CCDC3: variants seen among roughly 807,000 people sequenced by gnomAD.
The protein encoded by CCDC3 is coiled-coil domain-containing protein 3.
A neutral mutation model predicts 21.4 loss-of-function variants in CCDC3; 24 were observed. The ratio of observed to expected loss-of-function variants is 1.12; its 90% CI spans 0.81 to 1.58. The LOEUF (loss-of-function observed/expected upper bound fraction) is 1.58. Ranked by LOEUF, CCDC3 falls within the 40% of genes most tolerant of loss-of-function variation. The pLI is 0.00. For synonymous variants in CCDC3, 186 were observed against 166.0 expected, an observed-to-expected ratio of 1.12 and a Z score of -0.93; for missense variants, 425 against 360.9, an observed-to-expected ratio of 1.18 and a Z score of -1.44.
intron 2 of CCDC3, among the ~76,000 whole-genome samples, chr10:12,937,711 G>C (rs73573915): frequency 0.01 from 1,526 of 152,316 alleles, 30 homozygotes; most frequent in African/African-American, 0.034. Context: ...GTGTGACTCA[G>C]AATAAGCTCA....
chr10:13,045,694 A>T (rs1218858555), intron 5 of CCDC3, among the ~76,000 whole-genome samples: 1 of 152,166 alleles, frequency 6.6e-6, no homozygotes, highest in Non-Finnish European at 1.5e-5. Flanking sequence ...TCTTCATTCC[A>T]CTTCTTACTA....
chr10:12,913,413 AT>A (rs1474837737), intron 2 of CCDC3, among the ~76,000 whole-genome samples: 1 of 152,130 alleles, frequency 6.6e-6, no homozygotes, highest in African/African-American at 2.4e-5. Context: ...AATACTACTG[AT>A]TTTTGTGTGT....
upstream of CCDC3, among the ~76,000 whole-genome samples, chr10:13,005,637 G>C (rs556914577): frequency 6.6e-6 from 1 of 152,136 alleles, no homozygotes; most frequent in Admixed American, 6.5e-5. Flanking sequence ...CCAGAGTTTT[G>C]TGCTGTGATT....
chr10:12,973,571 A>C (rs1466221616), intron 2 of CCDC3, among the ~76,000 whole-genome samples: 1 of 152,206 alleles, frequency 6.6e-6, no homozygotes, highest in Non-Finnish European at 1.5e-5. Flanking sequence ...GGTCATACGC[A>C]GTGATTACTG....
chr10:13,064,517 G>T (rs1836801544), intron 4 of CCDC3, among the ~76,000 whole-genome samples: 1 of 152,158 alleles, frequency 6.6e-6, no homozygotes, highest in Admixed American at 6.5e-5. Flanking sequence ...AAGGTGGTCA[G>T]GGCACAGCTT....
intron 2 of CCDC3, among the ~76,000 whole-genome samples, chr10:12,979,023 C>A (rs1013030720): frequency 2.0e-5 from 3 of 152,082 alleles, no homozygotes; most frequent in African/African-American, 2.4e-5. Flanking sequence ...CATCCATAAG[C>A]CAGGCTCCCA....
In CCDC3 at chr10:12,955,023, G is replaced by A. The variant is rs555468303; in HGVS notation, c.549+43315C>T. Among the ~76,000 whole-genome samples, 3 of 151,964 alleles carry A rather than the reference G, an allele frequency of 2.0e-5. No homozygotes were observed. In the South Asian group the frequency reaches 6.3e-4, roughly 32 times the overall value. On this transcript the variant is annotated intron_variant, in intron 2 of 2. Coordinates refer to ENST00000378825, the MANE Select transcript of CCDC3 (RefSeq NM_031455.4). ...TAGACATTACCAGTTGTCATTCACA[G>A]CCTAGCACTTCACACGATCATCACA...
intron 1 of CCDC3, 105 bp from the exon 2 acceptor site, chr10:12,998,617 A>G (rs1020994305): frequency 7.3e-6 from 7 of 964,390 alleles, no homozygotes; most frequent in Non-Finnish European, 1.1e-5. Flanking sequence ...ATTTCACATC[A>G]ATGTCTGGCA....
At position 13,077,844 on chromosome 10, in the gene CCDC3, G is replaced by A. The variant is rs915467189; in HGVS notation, c.-502-3744C>T. 2.0e-5 allele frequency among the ~76,000 whole-genome samples: 3 copies of A among 152,134 alleles called. No homozygotes were observed. The East Asian group carries it at 5.8e-4, about 29-fold the overall frequency. ...AAACTGGATCCCTTCCTTACACCTT[G>A]TACAAAAATAAATTCAAAATGGATT... On this transcript the variant is annotated intron_variant, in intron 3 of 6. Transcript: ENST00000378839.
intron 4 of CCDC3, among the ~76,000 whole-genome samples, chr10:13,052,122 C>T (rs1362526130): frequency 6.6e-6 from 1 of 152,170 alleles, no homozygotes; most frequent in East Asian, 1.9e-4. Context: ...CACCTGTGAT[C>T]CCAGCGCTTT....
At chr10:12,980,624 C>T (rs905871380) in intron 2 of CCDC3, among the ~76,000 whole-genome samples, 7 of 152,076 alleles carry the variant, frequency 4.6e-5, no homozygotes, top group African/African-American at 1.7e-4. Flanking sequence ...GATGTCCTCC[C>T]GGAGAGCTCA....
At chr10:12,954,239 C>T (rs1835050790) in intron 2 of CCDC3, among the ~76,000 whole-genome samples, 2 of 152,154 alleles carry the variant, frequency 1.3e-5, no homozygotes, top group South Asian at 4.1e-4. Flanking sequence ...AATCAATACT[C>T]TAGTAGTTTA....
intron 5 of CCDC3, among the ~76,000 whole-genome samples, chr10:13,027,692 T>C (rs977561931): frequency 2.1e-5 from 3 of 145,074 alleles, no homozygotes; most frequent in African/African-American, 7.6e-5. Flanking sequence ...GCCTGGGTGA[T>C]AGAGTGAGAC....
rs775142888 is a variant in CCDC3, at chr10:12,898,382, AT to A, written c.*33del. 6.4e-7 allele frequency: 1 copy of A among 1,552,906 alleles called. No homozygotes were observed. Among genetic ancestry groups the A allele is most frequent in the South Asian group, 1.2e-5 (1 of 83,326 alleles). ...TCACTCATTCTCAATTACCGTCAGG[AT>A]TGGCCCTGCACACCTGGCAGCCCCC... On this transcript the variant is annotated 3_prime_UTR_variant, in exon 3 of 3. Coordinates refer to ENST00000378825, the MANE Select transcript of CCDC3 (RefSeq NM_031455.4).
At chr10:12,964,947 G>T (rs1835239569) in intron 2 of CCDC3, among the ~76,000 whole-genome samples, 1 of 152,178 alleles carries the variant, frequency 6.6e-6, no homozygotes, top group Admixed American at 6.5e-5. Flanking sequence ...GCAGACAGTG[G>T]CTTTCTCTGA....
intron 2 of CCDC3, among the ~76,000 whole-genome samples, chr10:12,978,017 CTCTT>C (rs1055779603): frequency 4.7e-5 from 7 of 150,450 alleles, no homozygotes; most frequent in Non-Finnish European, 8.8e-5. Context: ...ATTTTCCACA[CTCTT>C]TTTTTTTTTT....
chr10:12,945,388 T>C (rs1383532947), intron 2 of CCDC3, among the ~76,000 whole-genome samples: 1 of 151,934 alleles, frequency 6.6e-6, no homozygotes, highest in Admixed American at 6.6e-5. Context: ...TAGAATGGCA[T>C]TGTTCCACAG....
intron 4 of CCDC3, among the ~76,000 whole-genome samples, chr10:13,052,979 CACACACAT>C (rs1289035035): frequency 4.0e-4 from 33 of 82,130 alleles, no homozygotes; most frequent in African/African-American, 9.7e-4. Context: ...CACACACACA[CACACACAT>C]ACACACACAC....
chr10:13,063,225 C>T (rs998151643), intron 4 of CCDC3, among the ~76,000 whole-genome samples: 1 of 59,492 alleles, frequency 1.7e-5, no homozygotes, highest in Non-Finnish European at 3.4e-5. Context: ...TTCTCTATTG[C>T]AGTTCCCCTG....
Sources: allele counts gnomAD v4.1 joint callset (sites outside exome capture counted in the v4.1 genomes callset), GRCh38; gene constraint gnomAD v4.1.1; transcripts MANE v1.5; gene names NCBI Gene and HGNC (gene_info 2026-07-23, HGNC 2026-07-21).